Variants in THSD7A observed in about 807,000 individuals in gnomAD.
THSD7A encodes the protein thrombospondin type-1 domain-containing protein 7A.
Under a neutral mutation model 231.3 loss-of-function variants are expected in THSD7A, and 96 were observed. That is an observed-to-expected ratio of 0.41 (90% CI 0.35 to 0.49). The LOEUF (loss-of-function observed/expected upper bound fraction) is 0.49. Ranked by LOEUF, THSD7A falls within the 20% of genes least tolerant of loss-of-function variation. The pLI is 0.05. For synonymous variants in THSD7A, 940 were observed against 743.3 expected, an observed-to-expected ratio of 1.26 and a Z score of -4.30; for missense variants, 2,290 against 2,070.2, an observed-to-expected ratio of 1.11 and a Z score of -2.06.
intron 6 of THSD7A, among the ~76,000 whole-genome samples, chr7:11,540,091 TC>T (rs1253327823): frequency 6.6e-6 from 1 of 151,668 alleles, no homozygotes; most frequent in Non-Finnish European, 1.5e-5. Context: ...TGTTACTTCC[TC>T]CTTTTTTTCC....
intron 1 of THSD7A, among the ~76,000 whole-genome samples, chr7:11,768,556 G>C (rs1783101531): frequency 6.6e-6 from 1 of 152,068 alleles, no homozygotes; most frequent in Non-Finnish European, 1.5e-5. Context: ...TAGGTAATTA[G>C]CGATGGGTAT....
chr7:11,403,098 T>A (rs1388897848), intron 22 of THSD7A, among the ~76,000 whole-genome samples: 1 of 152,178 alleles, frequency 6.6e-6, no homozygotes, highest in Non-Finnish European at 1.5e-5. Context: ...GACTGCTTAG[T>A]GATACTCTTC....
chr7:11,557,678 G>C (rs1789905404), intron 4 of THSD7A, among the ~76,000 whole-genome samples: 1 of 152,118 alleles, frequency 6.6e-6, no homozygotes, highest in Non-Finnish European at 1.5e-5. Flanking sequence ...CAGAAGTCCA[G>C]GTTTCTTATT....
intron 23 of THSD7A, among the ~76,000 whole-genome samples, chr7:11,398,077 A>T (rs1314134174): frequency 6.6e-6 from 1 of 152,248 alleles, no homozygotes; most frequent in African/African-American, 2.4e-5. Flanking sequence ...TTATAAAGAC[A>T]CATGCACATT....
intron 4 of THSD7A, among the ~76,000 whole-genome samples, chr7:11,561,796 G>A (rs1259010029): frequency 6.6e-6 from 1 of 152,178 alleles, no homozygotes; most frequent in African/African-American, 2.4e-5. Flanking sequence ...AGGTTGCAGT[G>A]AGGGAGGTCA....
At chr7:11,479,527 C>A (rs76192686) in intron 7 of THSD7A, among the ~76,000 whole-genome samples, 3,101 of 152,238 alleles carry the variant, frequency 0.02, 49 homozygotes, top group South Asian at 0.071. Flanking sequence ...AATGGAAAGA[C>A]TGACTTTTGT....
intron 6 of THSD7A, among the ~76,000 whole-genome samples, chr7:11,507,778 T>C (rs945891469): frequency 3.9e-5 from 6 of 152,210 alleles, no homozygotes; most frequent in African/African-American, 1.4e-4. Flanking sequence ...TTTAATGTAT[T>C]ATTCACAACT....
chr7:11,542,479 T>G (rs1029305848), intron 5 of THSD7A, among the ~76,000 whole-genome samples: 6 of 152,238 alleles, frequency 3.9e-5, no homozygotes, highest in Admixed American at 3.9e-4. Context: ...TTACATTTTT[T>G]TCTTCAAAGT....
Position 11,636,903 on chromosome 7 carries a change from A to G in THSD7A, c.249T>C (p.Ala83=). Reference sequence around the variant, plus strand: ...ATCCCTCCACATGAGCACACCACACAGCCCTCGTTTGGATGCCTCCGGGAC... The same window carrying G: ...ATCCCTCCACATGAGCACACCACACGGCCCTCGTTTGGATGCCTCCGGGAC... ...ECGPGGIQTR[A]VWCAHVEGWT... Residue 83 remains alanine, a synonymous_variant, in exon 2 of 28, where the codon GCT becomes GCC. Transcript: ENST00000423059. The surrounding 1 kb of genome is among the most constrained non-coding windows in gnomAD (Gnocchi z 10.0). The G allele has an allele frequency of 6.2e-7, 1 of 1,613,662 alleles. No individual in the cohort carries two copies. Among genetic ancestry groups the G allele is most frequent in the Non-Finnish European group, 8.5e-7 (1 of 1,179,876 alleles).
At position 11,789,442 on chromosome 7, in the gene THSD7A, A is replaced by G. The variant is rs147392044; in HGVS notation, c.190+42315T>C. On this transcript the variant is annotated intron_variant, in intron 1 of 27. Coordinates refer to ENST00000423059, the MANE Select transcript of THSD7A (RefSeq NM_015204.3). Reference sequence around the variant, plus strand: ...AGCCAGGAGGTCACTGCAGTCAGCCAGGCTAGAGAAAATGACACTCGTCCT... The same window carrying G: ...AGCCAGGAGGTCACTGCAGTCAGCCGGGCTAGAGAAAATGACACTCGTCCT... 3.7e-3 allele frequency among the ~76,000 whole-genome samples: 569 copies of G among 152,160 alleles called. 6 individuals carry two copies. The highest frequency in any genetic ancestry group is 0.013 in the African/African-American group (553 of 41,560).
At chr7:11,516,851 T>A (rs1042618986) in intron 6 of THSD7A, among the ~76,000 whole-genome samples, 7 of 152,154 alleles carry the variant, frequency 4.6e-5, no homozygotes, top group African/African-American at 1.7e-4. Context: ...TGTAATGCCA[T>A]TAGTATTTTT....
intron 15 of THSD7A, 123 bp from the exon 16 acceptor site, chr7:11,424,952 A>C: frequency 1.7e-6 from 2 of 1,188,854 alleles, no homozygotes; most frequent in Non-Finnish European, 2.4e-6. Flanking sequence ...TTTACTGCTT[A>C]TTATTCTAAC....
chr7:11,457,232 C>A (rs936721745), intron 11 of THSD7A, among the ~76,000 whole-genome samples: 3 of 151,984 alleles, frequency 2.0e-5, no homozygotes, highest in Non-Finnish European at 4.4e-5. Context: ...CAAGTGCATA[C>A]CTGAATATTT....
chr7:11,640,777 G>T (rs999126632), intron 1 of THSD7A, among the ~76,000 whole-genome samples: 7 of 151,826 alleles, frequency 4.6e-5, no homozygotes, highest in African/African-American at 1.7e-4. Context: ...AATGCCTTAA[G>T]AAATAAAAGA....
rs1584036656 is a variant in THSD7A, at chr7:11,589,079, A to G, written c.1453+1381T>C. ...GAGAAGCCATCTCTTCTTTGGTTTT[A>G]AAAACATTCATTTCTCTTGGTTCTT... On this transcript the variant is annotated intron_variant, in intron 4 of 27. Transcript: ENST00000423059. Among the ~76,000 whole-genome samples, 9 of 152,282 alleles carry G rather than the reference A, an allele frequency of 5.9e-5. No homozygotes were observed. In the South Asian group the frequency reaches 1.9e-3, roughly 32 times the overall value.
intron 1 of THSD7A, among the ~76,000 whole-genome samples, chr7:11,786,585 T>C (rs1464542189): frequency 6.8e-6 from 1 of 146,780 alleles, no homozygotes; most frequent in Admixed American, 6.7e-5. Flanking sequence ...TTGATATATA[T>C]ATTTTAGCCA....
In THSD7A at chr7:11,572,804, T is replaced by A. The variant is rs1017350949; in HGVS notation, c.1453+17656A>T. Reference sequence around the variant, plus strand: ...TAAAGTCCTCGTCTGCTGATTCTTATATCTAGGCCATCTCATGATACGTTT... The same window carrying A: ...TAAAGTCCTCGTCTGCTGATTCTTAAATCTAGGCCATCTCATGATACGTTT... On this transcript the variant is annotated intron_variant, in intron 4 of 27. Coordinates refer to ENST00000423059, the MANE Select transcript of THSD7A (RefSeq NM_015204.3). Among the ~76,000 whole-genome samples, 6 of 152,254 alleles carry A rather than the reference T, an allele frequency of 3.9e-5. 2 individuals carry two copies. Among genetic ancestry groups the A allele is most frequent in the Admixed American group, 6.5e-5 (1 of 15,292 alleles).
intron 23 of THSD7A, among the ~76,000 whole-genome samples, chr7:11,397,224 C>T (rs1562576772): frequency 6.6e-6 from 1 of 152,148 alleles, no homozygotes; most frequent in Non-Finnish European, 1.5e-5. Context: ...GATATAAAAA[C>T]CAATGGAACA....
In THSD7A at chr7:11,590,715, G is replaced by C; in HGVS notation, c.1272-74C>G. On this transcript the variant is annotated intron_variant, in intron 3 of 27. Coordinates refer to ENST00000423059, the MANE Select transcript of THSD7A (RefSeq NM_015204.3). This position sits in a 1 kb window ranked among gnomAD's most constrained non-coding sequence, Gnocchi z 4.4. ...TGTTTCTCTACTCCTGTCATACTTT[G>C]TTTTAACGAAAATTAGTCTCAAAAT... 1.4e-6 allele frequency: 2 copies of C among 1,457,440 alleles called. No homozygotes were observed. 90.3% of individuals were successfully genotyped at this position (1,457,440 alleles called of 1,614,324 possible).
Sources: allele counts gnomAD v4.1 joint callset (sites outside exome capture counted in the v4.1 genomes callset), GRCh38; gene constraint gnomAD v4.1.1; non-coding constraint Gnocchi (gnomAD v3.1); transcripts MANE v1.5; gene names NCBI Gene and HGNC (gene_info 2026-07-23, HGNC 2026-07-21).